Variants in IMMP2L observed in about 807,000 individuals in gnomAD.
IMMP2L encodes inner mitochondrial membrane peptidase subunit 2.
Under a neutral mutation model 19.3 loss-of-function variants are expected in IMMP2L, and 18 were observed. The ratio of observed to expected loss-of-function variants is 0.93; its 90% CI spans 0.64 to 1.38. IMMP2L has a LOEUF of 1.38. IMMP2L is among the 40% of genes most tolerant of loss of function. The probability of loss-of-function intolerance (pLI) is 0.00; values close to 1 mark genes in which losing one functional copy is unlikely to be tolerated. For missense variants in IMMP2L, 233 were observed against 218.2 expected (o/e 1.07, Z -0.43); for synonymous variants, 76 against 73.0 (o/e 1.04, Z -0.21).
At chr7:111,387,453 G>A (rs543104032) in intron 3 of IMMP2L, among the ~76,000 whole-genome samples, 2 of 152,094 alleles carry the variant, frequency 1.3e-5, no homozygotes, top group Non-Finnish European at 2.9e-5. Context: ...AATAAACAAG[G>A]TTCAACAAGA....
At chr7:111,176,884 C>G (rs1807123392) in intron 3 of IMMP2L, among the ~76,000 whole-genome samples, 1 of 151,914 alleles carries the variant, frequency 6.6e-6, no homozygotes, top group Non-Finnish European at 1.5e-5. Context: ...ATGCCATTTA[C>G]TTAATCTAGT....
chr7:111,214,867 G>A (rs1042457071), intron 3 of IMMP2L, among the ~76,000 whole-genome samples: 1 of 151,348 alleles, frequency 6.6e-6, no homozygotes, highest in East Asian at 1.9e-4. Context: ...TCAAAGACTT[G>A]TTTTGTTTGA....
At chr7:110,778,342 G>C (rs1361479394) in intron 5 of IMMP2L, among the ~76,000 whole-genome samples, 1 of 151,866 alleles carries the variant, frequency 6.6e-6, no homozygotes, top group East Asian at 1.9e-4. Flanking sequence ...TCAGAATTTT[G>C]TCTTCAACTT....
intron 1 of IMMP2L, among the ~76,000 whole-genome samples, chr7:111,536,182 T>A (rs1262391986): frequency 1.3e-5 from 2 of 152,310 alleles, no homozygotes; most frequent in East Asian, 3.9e-4. Context: ...TACTTTAAAA[T>A]ATGGGTTTTA....
intron 3 of IMMP2L, among the ~76,000 whole-genome samples, chr7:111,222,404 T>A (rs1412406316): frequency 6.6e-6 from 1 of 151,824 alleles, no homozygotes; most frequent in Non-Finnish European, 1.5e-5. Context: ...ACAGACGAGA[T>A]ATTTTCAAGA....
chr7:111,521,660 C>T (rs1281037023), intron 1 of IMMP2L, among the ~76,000 whole-genome samples: 1 of 152,150 alleles, frequency 6.6e-6, no homozygotes, highest in African/African-American at 2.4e-5. Context: ...TTTTCCACAA[C>T]TCAAGTCCAC....
intron 3 of IMMP2L, among the ~76,000 whole-genome samples, chr7:111,108,617 C>A (rs1667334591): frequency 6.6e-6 from 1 of 152,000 alleles, no homozygotes. Context: ...ATTTATGATT[C>A]TTTTTAAACA....
chr7:111,277,856 G>T (rs1819271869), intron 3 of IMMP2L, among the ~76,000 whole-genome samples: 1 of 152,034 alleles, frequency 6.6e-6, no homozygotes. Context: ...GCAGAAGACT[G>T]GATAAAGAAA....
chr7:110,936,451 G>A (rs1171978430), intron 4 of IMMP2L, among the ~76,000 whole-genome samples: 2 of 152,174 alleles, frequency 1.3e-5, no homozygotes, highest in East Asian at 3.9e-4. Flanking sequence ...ATGGAAAAAA[G>A]CTCATCATCA....
chr7:110,745,819 G>A (rs552490608), intron 5 of IMMP2L, among the ~76,000 whole-genome samples: 2 of 152,178 alleles, frequency 1.3e-5, no homozygotes, highest in East Asian at 1.9e-4. Context: ...AAAGACCATC[G>A]ACACTATGAA....
At chr7:111,460,283 G>A (rs1293325209) in intron 3 of IMMP2L, among the ~76,000 whole-genome samples, 1 of 152,098 alleles carries the variant, frequency 6.6e-6, no homozygotes, top group Non-Finnish European at 1.5e-5. Flanking sequence ...TTATCTAAAT[G>A]CTATTAGATA....
chr7:110,994,469 C>T (rs1032699956), intron 3 of IMMP2L, among the ~76,000 whole-genome samples: 3 of 152,106 alleles, frequency 2.0e-5, no homozygotes, highest in African/African-American at 7.2e-5. Flanking sequence ...TAAGCAGAAC[C>T]CACACGTAGC....
intron 3 of IMMP2L, among the ~76,000 whole-genome samples, chr7:111,149,337 CT>C (rs1242335795): frequency 6.6e-6 from 1 of 152,066 alleles, no homozygotes; most frequent in East Asian, 1.9e-4. Context: ...CTGAAAGATT[CT>C]TCATGAAATA....
At chr7:110,721,768 T>G (rs1282667597) in intron 5 of IMMP2L, among the ~76,000 whole-genome samples, 2 of 152,072 alleles carry the variant, frequency 1.3e-5, no homozygotes, top group Non-Finnish European at 2.9e-5. Context: ...GGTGATCATA[T>G]AGAAAACTCG....
At chr7:111,139,095 C>G (rs1802625563) in intron 3 of IMMP2L, among the ~76,000 whole-genome samples, 1 of 151,748 alleles carries the variant, frequency 6.6e-6, no homozygotes, top group African/African-American at 2.4e-5. Flanking sequence ...ATGTGATATC[C>G]ATTTGATATC....
At chr7:111,373,546 C>T (rs1306565325) in intron 3 of IMMP2L, among the ~76,000 whole-genome samples, 4 of 152,020 alleles carry the variant, frequency 2.6e-5, no homozygotes. Flanking sequence ...TGTAAAGCTG[C>T]TCTGGGGCAG....
At chr7:110,873,570 C>A (rs1213166672) in intron 5 of IMMP2L, among the ~76,000 whole-genome samples, 7 of 149,996 alleles carry the variant, frequency 4.7e-5, no homozygotes, top group Non-Finnish European at 7.4e-5. Context: ...TCGACACAAG[C>A]CTGGCCAACA....
chr7:111,128,192 T>C (rs1251277838), intron 3 of IMMP2L, among the ~76,000 whole-genome samples: 1 of 152,194 alleles, frequency 6.6e-6, no homozygotes, highest in Non-Finnish European at 1.5e-5. Context: ...TCAATAAACA[T>C]TTATTGTATG....
chr7:110,982,141 T>A (rs1585578013), intron 3 of IMMP2L, among the ~76,000 whole-genome samples: 1 of 152,294 alleles, frequency 6.6e-6, no homozygotes, highest in East Asian at 1.9e-4. Flanking sequence ...TTTCAGGTTC[T>A]ATTAGAAAAC....
Sources: allele counts gnomAD v4.1 joint callset (sites outside exome capture counted in the v4.1 genomes callset), GRCh38; gene constraint gnomAD v4.1.1; transcripts MANE v1.5; gene names NCBI Gene and HGNC (gene_info 2026-07-23, HGNC 2026-07-21).